PARM1: variants seen among roughly 807,000 people sequenced by gnomAD.
PARM1 encodes the protein prostate androgen-regulated mucin-like protein 1.
In PARM1, 14 loss-of-function variants were observed where a neutral mutation model predicts 24.6. The ratio of observed to expected loss-of-function variants is 0.57; its 90% confidence interval spans 0.38 to 0.89. The LOEUF (loss-of-function observed/expected upper bound fraction) is 0.89. Among genes scored for constraint, PARM1 ranks in the 40% least tolerant of loss-of-function variants. The probability of loss-of-function intolerance (pLI) is 0.00; values close to 1 mark genes in which losing one functional copy is unlikely to be tolerated. For missense variants in PARM1, 362 were observed against 380.4 expected (o/e 0.95, Z 0.40); for synonymous variants, 179 against 156.6 (o/e 1.14, Z -1.07).
At chr4:74,935,275 A>T (rs958510330) in intron 1 of PARM1, among the ~76,000 whole-genome samples, 1 of 152,176 alleles carries the variant, frequency 6.6e-6, no homozygotes, top group South Asian at 2.1e-4. Flanking sequence ...GCTAATGGAC[A>T]CTGCATTCCC....
chr4:75,040,221 A>G (rs1391755412), intron 3 of PARM1, among the ~76,000 whole-genome samples: 4 of 152,232 alleles, frequency 2.6e-5, no homozygotes, highest in Admixed American at 2.0e-4. Context: ...CTGTTAAACC[A>G]CACAGATTTT....
chr4:74,975,385 A>G (rs1722124329), intron 1 of PARM1, among the ~76,000 whole-genome samples: 1 of 152,232 alleles, frequency 6.6e-6, no homozygotes, highest in South Asian at 2.1e-4. Flanking sequence ...TCCACCTAGA[A>G]GTAGTTCAGT....
At chr4:74,976,438 A>G (rs1722139321) in intron 1 of PARM1, among the ~76,000 whole-genome samples, 1 of 152,168 alleles carries the variant, frequency 6.6e-6, no homozygotes, top group Admixed American at 6.5e-5. Context: ...GTTTACAGAC[A>G]GAACTCTGAA....
chr4:74,991,777 C>T (rs950349975), intron 1 of PARM1, among the ~76,000 whole-genome samples: 3 of 152,132 alleles, frequency 2.0e-5, no homozygotes, highest in African/African-American at 7.2e-5. Context: ...GTGGTCCCCA[C>T]ATAACAAAAC....
chr4:74,990,113 A>C lies in PARM1; in HGVS notation c.44-22312A>C, dbSNP rs139622289. On this transcript the variant is annotated intron_variant, in intron 1 of 3. Transcript: ENST00000307428. ...ACTAAGGCATCATAGATGATTCCTGAGCTTCACAGTTACCTGTTTAGGAGA... is the reference window on the plus strand; with the variant it reads ...ACTAAGGCATCATAGATGATTCCTGCGCTTCACAGTTACCTGTTTAGGAGA... Among the ~76,000 whole-genome samples the C allele has an allele frequency of 7.2e-5, 11 of 152,312 alleles. No individual in the cohort carries two copies. The East Asian group carries it at 2.1e-3, about 29-fold the overall frequency.
rs192144645 is a variant in PARM1 at position 74,962,695 on chromosome 4, G to A, written c.43+29325G>A. Among the ~76,000 whole-genome samples, 630 of 152,286 alleles carry A rather than the reference G, an allele frequency of 4.1e-3. 2 individuals are homozygous for A. The highest frequency in any genetic ancestry group is 7.0e-3 in the Non-Finnish European group (479 of 68,016). Reference sequence around the variant, plus strand: ...ATACTGTTTTATTCCATTTATTTGAGGCACCTAAAGTAGTCAAATTCATAG... The same window carrying A: ...ATACTGTTTTATTCCATTTATTTGAAGCACCTAAAGTAGTCAAATTCATAG... On this transcript the variant is annotated intron_variant, in intron 1 of 3. Coordinates refer to ENST00000307428, the MANE Select transcript of PARM1 (RefSeq NM_015393.4).
intron 2 of PARM1, 34 bp downstream of exon 2, chr4:75,013,184 C>T: frequency 6.4e-7 from 1 of 1,572,560 alleles, no homozygotes; most frequent in Non-Finnish European, 8.6e-7. Context: ...GTTTTCTTTA[C>T]TACACCCTCA....
chr4:75,023,909 G>T (rs990881083), intron 2 of PARM1, among the ~76,000 whole-genome samples: 2 of 152,082 alleles, frequency 1.3e-5, no homozygotes, highest in Non-Finnish European at 2.9e-5. Flanking sequence ...TCTTTCCCAC[G>T]TTTTTAACTC....
chr4:74,934,457 G>A (rs1721134505), intron 1 of PARM1, among the ~76,000 whole-genome samples: 1 of 152,208 alleles, frequency 6.6e-6, no homozygotes, highest in Non-Finnish European at 1.5e-5. Context: ...TTGAAAAGAA[G>A]CTAGCGGTTT....
chr4:74,934,481 A>C (rs952540987), intron 1 of PARM1, among the ~76,000 whole-genome samples: 2 of 152,212 alleles, frequency 1.3e-5, no homozygotes, highest in African/African-American at 4.8e-5. Context: ...GGCAGCTCAC[A>C]GTGGGTAATG....
chr4:74,949,953 C>G (rs183601822), intron 1 of PARM1, among the ~76,000 whole-genome samples: 1 of 149,796 alleles, frequency 6.7e-6, no homozygotes, highest in African/African-American at 2.5e-5. Context: ...TTTTTCCTTT[C>G]ATCTTGGAAC....
At chr4:75,003,420 G>C (rs1722717330) in intron 1 of PARM1, among the ~76,000 whole-genome samples, 1 of 152,108 alleles carries the variant, frequency 6.6e-6, no homozygotes, top group Non-Finnish European at 1.5e-5. Flanking sequence ...ACCGTGGGGA[G>C]CCTGCTGATA....
At chr4:74,987,129 CCTT>C (rs1234580318) in intron 1 of PARM1, among the ~76,000 whole-genome samples, 1 of 151,730 alleles carries the variant, frequency 6.6e-6, no homozygotes, top group Non-Finnish European at 1.5e-5. Flanking sequence ...ATTGGCTTCC[CCTT>C]CTTTTTATGC....
At chr4:75,031,290 T>C (rs928557313) in intron 2 of PARM1, among the ~76,000 whole-genome samples, 3 of 152,234 alleles carry the variant, frequency 2.0e-5, no homozygotes, top group Non-Finnish European at 4.4e-5. Context: ...TTTTATCTTA[T>C]ACCATTTGGC....
At chr4:75,040,745 T>C (rs1382259718) in intron 3 of PARM1, among the ~76,000 whole-genome samples, 1 of 152,214 alleles carries the variant, frequency 6.6e-6, no homozygotes, top group Non-Finnish European at 1.5e-5. Context: ...TTTCTCTAAA[T>C]CTAAAATCAT....
intron 1 of PARM1, chr4:74,966,630 A>C (rs975850582): frequency 7.2e-5 from 11 of 152,226 alleles, no homozygotes; most frequent in African/African-American, 2.7e-4. Flanking sequence ...GGTCAAGAAG[A>C]GGGCACAGGG....
At chr4:74,974,588 C>T (rs1249587463) in intron 1 of PARM1, among the ~76,000 whole-genome samples, 1 of 152,146 alleles carries the variant, frequency 6.6e-6, no homozygotes, top group Non-Finnish European at 1.5e-5. Flanking sequence ...GAGGTGATTG[C>T]AGTCATAGTA....
chr4:75,008,063 C>T (rs9307434), intron 1 of PARM1, among the ~76,000 whole-genome samples: 16 of 152,070 alleles, frequency 1.1e-4, no homozygotes, highest in Admixed American at 3.9e-4. Flanking sequence ...GCATTCTCTA[C>T]GATCATCATG....
rs746562433 is a variant in PARM1, at chr4:75,016,359, CATTG to C, written c.769+3210_769+3213del. Among the ~76,000 whole-genome samples the C allele has an allele frequency of 3.2e-3, 484 of 152,304 alleles. 2 individuals are homozygous for C. Among genetic ancestry groups the C allele is most frequent in the South Asian group, 6.0e-3 (29 of 4,820 alleles). ...TTGTTGAATAATCCAGTGCCCTCTA[CATTG>C]CCAGATCTAAGGGTAAATTCTTAGA... On this transcript the variant is annotated intron_variant, in intron 2 of 3. Transcript: ENST00000307428.
Sources: gnomAD v4.1 joint callset for allele counts (sites outside exome capture counted in the v4.1 genomes callset) on GRCh38, gnomAD v4.1.1 for gene constraint, MANE v1.5 for transcripts, NCBI Gene and HGNC (gene_info 2026-07-23, HGNC 2026-07-21) for gene names.